MOB3A: variants seen among roughly 807,000 people sequenced by gnomAD.
MOB3A encodes MOB kinase activator 3A.
Under a neutral mutation model 17.8 loss-of-function variants are expected in MOB3A, and 17 were observed. The observed-to-expected ratio is 0.95, with a 90% CI of 0.65 to 1.43. The LOEUF is 1.43. MOB3A is among the 40% of genes most tolerant of loss of function. The pLI is 0.00. For missense variants in MOB3A, 333 were observed against 310.8 expected (o/e 1.07, Z -0.54); for synonymous variants, 124 against 133.2 (o/e 0.93, Z 0.48).
chr19:2,081,874 ACT>A (rs1295207487), intron 2 of MOB3A, among the ~76,000 whole-genome samples: 1 of 152,088 alleles, frequency 6.6e-6, no homozygotes, highest in Non-Finnish European at 1.5e-5. Flanking sequence ...AGAGAGCAAG[ACT>A]CTGTCTCAAA....
At chr19:2,085,358 TC>T (rs2017540268) in intron 1 of MOB3A, 30 bp from the exon 2 acceptor site, 1 of 148,586 alleles carries the variant, frequency 6.7e-6, no homozygotes, top group African/African-American at 2.5e-5. Flanking sequence ...AATGACAAAT[TC>T]CCCTGCTGCA....
chr19:2,081,748 A>G (rs1568254001), intron 2 of MOB3A, among the ~76,000 whole-genome samples: 1 of 149,638 alleles, frequency 6.7e-6, no homozygotes, highest in Non-Finnish European at 1.5e-5. Context: ...GCCAGGCGTG[A>G]TGGTGCATGC....
intron 4 of MOB3A, among the ~76,000 whole-genome samples, chr19:2,074,606 G>A (rs2017380639): frequency 6.6e-6 from 1 of 151,574 alleles, no homozygotes; most frequent in African/African-American, 2.4e-5. Flanking sequence ...AGGCTGGAGA[G>A]CTGTGGCGCA....
intron 1 of MOB3A, among the ~76,000 whole-genome samples, chr19:2,090,647 C>T (rs2017603179): frequency 6.6e-6 from 1 of 152,148 alleles, no homozygotes; most frequent in Non-Finnish European, 1.5e-5. Flanking sequence ...CGACATTAAA[C>T]ATAGCAATGA....
At chr19:2,083,612 A>G (rs765027069) in intron 2 of MOB3A, among the ~76,000 whole-genome samples, 2 of 152,132 alleles carry the variant, frequency 1.3e-5, no homozygotes, top group Non-Finnish European at 2.9e-5. Flanking sequence ...GCAGATCCCC[A>G]TCCACCCAGC....
chr19:2,073,234 G>T lies in MOB3A; in HGVS notation c.*161C>A. 1.3e-6 allele frequency: 1 copy of T among 789,576 alleles called. No individual in the cohort carries two copies. Among genetic ancestry groups the T allele is most frequent in the Admixed American group, 2.1e-5 (1 of 46,912 alleles). The allele number at this position is 789,576 out of a possible 1,614,324, so 48.9% of individuals were successfully genotyped here. Reference sequence around the variant, plus strand: ...GACTGAGGAAGGCATCTGCCGTCCGGGGTTGGAGCTCCTGAGGACCAACAC... The same window carrying T: ...GACTGAGGAAGGCATCTGCCGTCCGTGGTTGGAGCTCCTGAGGACCAACAC... On this transcript the variant is annotated 3_prime_UTR_variant, in exon 5 of 5. Coordinates refer to ENST00000357066, the MANE Select transcript of MOB3A (RefSeq NM_130807.3).
Position 2,078,260 on chromosome 19 carries a change from A to G in MOB3A, c.301T>C (p.Trp101Arg), listed in dbSNP as rs747779065. 1.2e-6 allele frequency: 2 copies of G among 1,614,116 alleles called. No homozygotes were observed. Among genetic ancestry groups the G allele is most frequent in the Admixed American group, 3.3e-5 (2 of 60,010 alleles). Reference protein sequence around the residue: ...MSGGPKYEYRWQDEHKFRKPT... With the variant: ...MSGGPKYEYRRQDEHKFRKPT... ...TTCCGGAACTTATGCTCATCCTGCCAGCGGTACTCATACTTGGGGCCCCCC... is the reference window on the plus strand; with the variant it reads ...TTCCGGAACTTATGCTCATCCTGCCGGCGGTACTCATACTTGGGGCCCCCC... Residue 101 changes from tryptophan to arginine, a missense_variant, in exon 3 of 5, where the codon TGG (tryptophan) becomes CGG (arginine). Trp to Arg is a moderately radical substitution (Grantham distance 101, BLOSUM62 -3). Coordinates refer to ENST00000357066, the MANE Select transcript of MOB3A (RefSeq NM_130807.3).
At chr19:2,083,871 G>A (rs2017520073) in intron 2 of MOB3A, among the ~76,000 whole-genome samples, 1 of 152,202 alleles carries the variant, frequency 6.6e-6, no homozygotes, top group Non-Finnish European at 1.5e-5. Flanking sequence ...GCAGCCATGG[G>A]AGGAGACCCC....
rs777793721 is a variant in MOB3A at position 2,082,843 on chromosome 19, G to C, written c.-120+2332C>G. 6.6e-6 allele frequency among the ~76,000 whole-genome samples: 1 copy of C among 152,106 alleles called. No individual in the cohort carries two copies. Among genetic ancestry groups the C allele is most frequent in the East Asian group, 1.9e-4 (1 of 5,202 alleles). On this transcript the variant is annotated intron_variant, in intron 2 of 4. Coordinates refer to ENST00000357066, the MANE Select transcript of MOB3A (RefSeq NM_130807.3). The surrounding 1 kb of genome is among the most constrained non-coding windows in gnomAD (Gnocchi z 4.1). ...CTTCCATTTTTAGAGACAGGTTCTC[G>C]CTCTGCTGCTCAGGCTAGAGTGCAG...
chr19:2,092,650 C>T lies in MOB3A; in HGVS notation c.-274+3576G>A, dbSNP rs1042531450. Among the ~76,000 whole-genome samples the T allele has an allele frequency of 2.0e-5, 3 of 147,770 alleles. No individual in the cohort carries two copies. In the East Asian group the frequency reaches 6.1e-4, roughly 30 times the overall value. ...GCGCATGCCTGTAATCCCAGCTACT[C>T]AGGAGGCTGAGGCACGAGAATCTCT... On this transcript the variant is annotated intron_variant, in intron 1 of 4. Transcript: ENST00000357066.
chr19:2,078,111 T>A (rs750470075), intron 3 of MOB3A, 29 bp downstream of exon 3: 1 of 1,530,598 alleles, frequency 6.5e-7, no homozygotes, highest in South Asian at 1.3e-5. Flanking sequence ...AGGCTCTGTA[T>A]CCCCGAGCCC....
chr19:2,076,849 C>T lies in MOB3A; in HGVS notation c.586G>A (p.Glu196Lys). ...CYKHFYYFVK[E>K]FGLIDTKELE... ...TCCTTGGTGTCGATGAGGCCGAACTCCTTGACGAAATAGTAGAAGTGCTTG... is the reference window on the plus strand; with the variant it reads ...TCCTTGGTGTCGATGAGGCCGAACTTCTTGACGAAATAGTAGAAGTGCTTG... Residue 196 changes from glutamate to lysine, a missense_variant, in exon 4 of 5, where the codon GAG becomes AAG. Glu to Lys is a moderately conservative substitution (Grantham distance 56, BLOSUM62 1). Coordinates refer to ENST00000357066, the MANE Select transcript of MOB3A (RefSeq NM_130807.3). The T allele has an allele frequency of 1.9e-6, 3 of 1,614,050 alleles. No individual in the cohort carries two copies. The highest frequency in any genetic ancestry group is 2.5e-6 in the Non-Finnish European group (3 of 1,180,036).
intron 1 of MOB3A, among the ~76,000 whole-genome samples, chr19:2,092,635 G>C (rs2017626331): frequency 6.6e-6 from 1 of 150,708 alleles, no homozygotes; most frequent in Non-Finnish European, 1.5e-5. Context: ...GCGCATGCCT[G>C]TAATCCCAGC....
chr19:2,073,273 C>T lies in MOB3A; in HGVS notation c.*122G>A, dbSNP rs946911159. 8.5e-5 allele frequency: 109 copies of T among 1,279,018 alleles called. No individual in the cohort carries two copies. Among genetic ancestry groups the T allele is most frequent in the Middle Eastern group, 2.5e-4 (1 of 3,960 alleles). The allele number at this position is 1,279,018 out of a possible 1,614,324, so 79.2% of individuals were successfully genotyped here. A position where few individuals can be genotyped will look rare whatever the true frequency, so the allele number is the denominator to read the frequency against. Reference sequence around the variant, plus strand: ...GAGGACCAACACCTGCTCAGCGGCTCGGCCCCTGGTCTCCCTGAGATGCTC... The same window carrying T: ...GAGGACCAACACCTGCTCAGCGGCTTGGCCCCTGGTCTCCCTGAGATGCTC... On this transcript the variant is annotated 3_prime_UTR_variant, in exon 5 of 5. Transcript: ENST00000357066.
At chr19:2,078,041 C>G (rs2017434648) in intron 3 of MOB3A, 99 bp downstream of exon 3, 1 of 1,282,990 alleles carries the variant, frequency 7.8e-7, no homozygotes, top group Non-Finnish European at 1.0e-6. Context: ...GGCTCGGCCT[C>G]CCAAAGCGCT....
chr19:2,083,249 C>T (rs1205366830), intron 2 of MOB3A, among the ~76,000 whole-genome samples: 1 of 152,206 alleles, frequency 6.6e-6, no homozygotes, highest in Non-Finnish European at 1.5e-5. Flanking sequence ...CTTATGGTAT[C>T]CCCCGGGGCC....
rs1386579816 is a variant in MOB3A at position 2,093,087 on chromosome 19, C to T, written c.-274+3139G>A. Among the ~76,000 whole-genome samples, 1 of 152,120 alleles carries T rather than the reference C, an allele frequency of 6.6e-6. No individual in the cohort carries two copies. Among genetic ancestry groups the T allele is most frequent in the Non-Finnish European group, 1.5e-5 (1 of 68,046 alleles). ...CCCACCTTAAAACCCCAAGCTCAGT[C>T]AGCTGTGTGGGGAATTTTTCTGAAA... On this transcript the variant is annotated intron_variant, in intron 1 of 4. Coordinates refer to ENST00000357066, the MANE Select transcript of MOB3A (RefSeq NM_130807.3). The surrounding 1 kb of genome is among the most constrained non-coding windows in gnomAD (Gnocchi z 4.6).
rs774690228 is a variant in MOB3A at position 2,078,502 on chromosome 19, C to A, written c.59G>T (p.Arg20Leu). 4.4e-6 allele frequency: 7 copies of A among 1,605,236 alleles called. No individual in the cohort carries two copies. In the Admixed American group the frequency reaches 8.4e-5, roughly 19 times the overall value. The change falls in exon 3 of 5, where the codon CGC becomes CTC. Residue 20 changes from arginine to leucine, a missense_variant. By Grantham distance (102) the Arg-to-Leu change is moderately radical. Coordinates refer to ENST00000357066, the MANE Select transcript of MOB3A (RefSeq NM_130807.3). The part of the protein sequence containing the change: ...FNKDKTFRPK[R>L]KFEPGTQRFE... ...GCGCTGGGTGCCTGGCTCAAACTTG[C>A]GCTTGGGGCGGAATGTCTTGTCCTT... is the stretch of plus-strand genomic sequence containing the variant.
At chr19:2,076,255 AC>A (rs1049861816) in intron 4 of MOB3A, among the ~76,000 whole-genome samples, 103 of 150,296 alleles carry the variant, frequency 6.9e-4, no homozygotes, top group African/African-American at 2.3e-3. Flanking sequence ...ACACGGTGAA[AC>A]CCCCTCTCTC....
Sources: gnomAD v4.1 joint callset for allele counts (sites outside exome capture counted in the v4.1 genomes callset) on GRCh38, gnomAD v4.1.1 for gene constraint, Gnocchi (gnomAD v3.1) non-coding constraint, MANE v1.5 for transcripts, NCBI Gene and HGNC (gene_info 2026-07-23, HGNC 2026-07-21) for gene names.